PLCB1: variants seen among roughly 807,000 people sequenced by gnomAD.
The protein encoded by PLCB1 is 1-phosphatidylinositol 4,5-bisphosphate phosphodiesterase beta-1.
Under a neutral mutation model 161.8 loss-of-function variants are expected in PLCB1, and 46 were observed. That is an observed-to-expected ratio of 0.28 (90% CI 0.22 to 0.36). PLCB1 has a LOEUF of 0.36. Among genes scored for constraint, PLCB1 ranks in the 10% least tolerant of loss-of-function variants. PLCB1 has a pLI of 1.00. For synonymous variants in PLCB1, 517 were observed against 503.7 expected (o/e 1.03, Z -0.35); for missense variants, 1,016 against 1,472.5 (o/e 0.69, Z 5.07).
intron 3 of PLCB1, among the ~76,000 whole-genome samples, chr20:8,378,062 G>A (rs544488464): frequency 1.3e-5 from 2 of 152,304 alleles, no homozygotes; most frequent in East Asian, 1.9e-4. Flanking sequence ...TGGTATATAC[G>A]TAAAAGAATA....
chr20:8,810,034 A>G (rs6056138), intron 31 of PLCB1, among the ~76,000 whole-genome samples: 4,024 of 152,256 alleles, frequency 0.026, 169 homozygotes, highest in African/African-American at 0.092. Flanking sequence ...TTTATGTAGC[A>G]GTAAGTGAAA....
intron 31 of PLCB1, among the ~76,000 whole-genome samples, chr20:8,830,605 AC>A (rs1014469804): frequency 2.0e-5 from 3 of 152,154 alleles, no homozygotes; most frequent in African/African-American, 7.2e-5. Context: ...AATCAGGACC[AC>A]CCACCCATTA....
intron 3 of PLCB1, among the ~76,000 whole-genome samples, chr20:8,428,438 C>T (rs1402623130): frequency 6.6e-6 from 1 of 152,200 alleles, no homozygotes; most frequent in Non-Finnish European, 1.5e-5. Context: ...CCAGGCTGGT[C>T]TCCAACTCCT....
intron 4 of PLCB1, among the ~76,000 whole-genome samples, chr20:8,638,855 A>G (rs1988851273): frequency 1.4e-5 from 2 of 139,848 alleles, no homozygotes; most frequent in African/African-American, 2.8e-5. Flanking sequence ...ACAAATTTAA[A>G]AAGACTTGTC....
At chr20:8,164,934 T>A (rs939335415) in intron 2 of PLCB1, among the ~76,000 whole-genome samples, 1 of 152,242 alleles carries the variant, frequency 6.6e-6, no homozygotes, top group Non-Finnish European at 1.5e-5. Context: ...AATTACTGAC[T>A]GACACATTGG....
chr20:8,777,307 G>T (rs1236493754), intron 27 of PLCB1, among the ~76,000 whole-genome samples: 1 of 152,144 alleles, frequency 6.6e-6, no homozygotes, highest in East Asian at 1.9e-4. Flanking sequence ...ACGGGAAGTG[G>T]TCTCCTAGGA....
rs142474075 is a variant in PLCB1, at chr20:8,433,643, G to A, written c.246+62193G>A. ...AGTATTAAATAAGAAAATTTATAAC[G>A]GACATAAAAGGGAGTTGGCATAGAG... On this transcript the variant is annotated intron_variant, in intron 3 of 31. Transcript: ENST00000338037. 5.7e-4 allele frequency among the ~76,000 whole-genome samples: 83 copies of A among 146,718 alleles called. 5 individuals carry two copies. Among genetic ancestry groups the A allele is most frequent in the African/African-American group, 2.1e-3 (80 of 38,784 alleles).
chr20:8,584,498 A>G (rs1986930265), intron 3 of PLCB1, among the ~76,000 whole-genome samples: 1 of 151,696 alleles, frequency 6.6e-6, no homozygotes, highest in African/African-American at 2.4e-5. Context: ...ACACACACAC[A>G]CACACACACG....
intron 2 of PLCB1, among the ~76,000 whole-genome samples, chr20:8,246,210 A>G (rs977268830): frequency 1.3e-5 from 2 of 151,958 alleles, no homozygotes; most frequent in Admixed American, 6.6e-5. Flanking sequence ...TGAAATTACA[A>G]CTACATATTT....
chr20:8,580,800 G>C lies in PLCB1; in HGVS notation c.247-47494G>C, dbSNP rs761009336. ...CAACTCTGTTGGAATTAGTCAGAAA[G>C]CTTCAGGGAGGAGATCATCAAGGTG... On this transcript the variant is annotated intron_variant, in intron 3 of 31. Transcript: ENST00000338037. 7.0e-4 allele frequency among the ~76,000 whole-genome samples: 106 copies of C among 152,322 alleles called. 2 individuals carry two copies. The highest frequency in any genetic ancestry group is 2.6e-4 in the Admixed American group (4 of 15,288).
At chr20:8,590,703 G>T (rs1346415275) in intron 3 of PLCB1, among the ~76,000 whole-genome samples, 6 of 152,096 alleles carry the variant, frequency 3.9e-5, no homozygotes, top group Admixed American at 2.0e-4. Context: ...GCAAGATTAG[G>T]CTGAGTCCTT....
chr20:8,720,656 T>A (rs1318344243), intron 14 of PLCB1, among the ~76,000 whole-genome samples: 1 of 152,038 alleles, frequency 6.6e-6, no homozygotes, highest in Non-Finnish European at 1.5e-5. Context: ...CTCCAAAGAT[T>A]TACAGGAGAA....
intron 31 of PLCB1, among the ~76,000 whole-genome samples, chr20:8,838,409 G>T (rs1568619691): frequency 6.6e-6 from 1 of 152,196 alleles, no homozygotes; most frequent in Non-Finnish European, 1.5e-5. Context: ...GCAGAGTAGG[G>T]CTAATGGAGG....
chr20:8,405,319 C>G (rs1978738021), intron 3 of PLCB1, among the ~76,000 whole-genome samples: 1 of 152,142 alleles, frequency 6.6e-6, no homozygotes, highest in African/African-American at 2.4e-5. Context: ...TTAAAATCAG[C>G]ACTCTTCTGG....
At chr20:8,319,271 A>G (rs1307066825) in intron 2 of PLCB1, among the ~76,000 whole-genome samples, 1 of 152,118 alleles carries the variant, frequency 6.6e-6, no homozygotes, top group Non-Finnish European at 1.5e-5. Context: ...TAGCTCATGT[A>G]TCTGTAGGTT....
intron 10 of PLCB1, among the ~76,000 whole-genome samples, chr20:8,686,651 A>G (rs1396179004): frequency 1.3e-5 from 2 of 152,126 alleles, no homozygotes; most frequent in African/African-American, 4.8e-5. Flanking sequence ...GATTTTATGT[A>G]TGTTCATTCA....
At chr20:8,873,858 T>G (rs6056220) in intron 31 of PLCB1, among the ~76,000 whole-genome samples, 49,984 of 151,842 alleles carry the variant, frequency 0.33, 8,310 homozygotes, top group South Asian at 0.52. Flanking sequence ...TTCTTGGCTT[T>G]TTTGTTAGTT....
intron 2 of PLCB1, among the ~76,000 whole-genome samples, chr20:8,242,471 C>A (rs1052748473): frequency 1.3e-5 from 2 of 151,926 alleles, no homozygotes; most frequent in South Asian, 4.1e-4. Context: ...GTCAGACTTA[C>A]TAAGGAGTAC....
chr20:8,771,877 GTTCCTTCC>G (rs1555789382), intron 26 of PLCB1, among the ~76,000 whole-genome samples: 1 of 150,146 alleles, frequency 6.7e-6, no homozygotes, highest in African/African-American at 2.5e-5. Context: ...TCCTTCCTTC[GTTCCTTCC>G]TTCCTTCCTT....
Sources: allele counts gnomAD v4.1 joint callset (sites outside exome capture counted in the v4.1 genomes callset), GRCh38; gene constraint gnomAD v4.1.1; transcripts MANE v1.5; gene names NCBI Gene and HGNC (gene_info 2026-07-23, HGNC 2026-07-21).